Variants in SNX10 observed in about 807,000 individuals in gnomAD.
The protein encoded by SNX10 is sorting nexin-10.
In SNX10, 25 loss-of-function variants were observed where a neutral mutation model predicts 28.5. The ratio of observed to expected loss-of-function variants is 0.88; its 90% CI spans 0.64 to 1.22. The LOEUF (loss-of-function observed/expected upper bound fraction) is 1.22, where lower values mean the gene tolerates loss of function less well. Ranked by LOEUF, SNX10 falls within the 50% of genes most tolerant of loss-of-function variation. SNX10 has a pLI of 0.00. For synonymous variants in SNX10, 62 were observed against 81.4 expected, an observed-to-expected ratio of 0.76 and a Z score of 1.28; for missense variants, 223 against 242.6, an observed-to-expected ratio of 0.92 and a Z score of 0.54.
At chr7:26,324,784 G>C (rs1787438115) in intron 1 of SNX10, among the ~76,000 whole-genome samples, 1 of 152,012 alleles carries the variant, frequency 6.6e-6, no homozygotes, top group African/African-American at 2.4e-5. Context: ...CAGGCCATGT[G>C]GTCACCCTAG....
chr7:26,367,036 T>C (rs1789318825), intron 5 of SNX10, among the ~76,000 whole-genome samples: 1 of 152,194 alleles, frequency 6.6e-6, no homozygotes, highest in Non-Finnish European at 1.5e-5. Flanking sequence ...CCTGGTTTTT[T>C]TTCTAGCTGC....
chr7:26,373,039 T>A lies in SNX10; in HGVS notation c.*467T>A, dbSNP rs1323663391. On this transcript the variant is annotated 3_prime_UTR_variant, in exon 7 of 7. Coordinates refer to ENST00000338523, the MANE Select transcript of SNX10 (RefSeq NM_013322.3). This position sits in a 1 kb window ranked among gnomAD's most constrained non-coding sequence, Gnocchi z 4.2. The stretch of plus-strand genomic sequence containing the variant: ...CTGCCTCTCTCAGATATGTGCCTGA[T>A]ATTTTGTGGATACCTCCCCTGCACT... 6.5e-6 allele frequency: 1 copy of A among 153,112 alleles called. No individual in the cohort carries two copies. 9.5% of individuals were successfully genotyped at this position (153,112 alleles called of 1,614,324 possible). A position where few individuals can be genotyped will look rare whatever the true frequency, so the allele number is the denominator to read the frequency against.
At position 26,365,109 on chromosome 7, in the gene SNX10, A is replaced by T; in HGVS notation, c.275A>T (p.Asp92Val). The T allele has an allele frequency of 6.2e-7, 1 of 1,613,236 alleles. No individual in the cohort carries two copies. The change falls in exon 5 of 7, where the codon GAT becomes GTT. Residue 92 changes from aspartate to valine, a missense_variant. Transcript: ENST00000338523. ...AACATGAACAATCGCCAGCACGTGGATCAGCGTCGCCAGGGTCTGGAAGAT... is the reference window on the plus strand; with the variant it reads ...AACATGAACAATCGCCAGCACGTGGTTCAGCGTCGCCAGGGTCTGGAAGAT... ...FFNMNNRQHV[D>V]QRRQGLEDFL...
At chr7:26,363,554 G>A (rs182235328) in intron 3 of SNX10, among the ~76,000 whole-genome samples, 3 of 151,984 alleles carry the variant, frequency 2.0e-5, no homozygotes, top group Admixed American at 6.5e-5. Flanking sequence ...TTTGGTAGTC[G>A]CTTGTTTTAC....
chr7:26,372,150 T>C (rs985897538), intron 6 of SNX10, 117 bp downstream of exon 6: 1 of 707,524 alleles, frequency 1.4e-6, no homozygotes, highest in Non-Finnish European at 2.3e-6. Context: ...AATACTAAGA[T>C]AATGAAAAAA....
At chr7:26,338,095 A>ATCAATTCC (rs1788007520) in intron 1 of SNX10, among the ~76,000 whole-genome samples, 1 of 146,074 alleles carries the variant, frequency 6.8e-6, no homozygotes, top group African/African-American at 2.5e-5. Flanking sequence ...AGAAACGTCT[A>ATCAATTCC]TCAATTCCTT....
intron 1 of SNX10, among the ~76,000 whole-genome samples, chr7:26,312,076 G>A (rs958460751): frequency 1.3e-5 from 2 of 152,120 alleles, no homozygotes; most frequent in Non-Finnish European, 2.9e-5. Flanking sequence ...GAAAACAAAA[G>A]TTACTTCAAA....
At chr7:26,315,584 C>T (rs965624479) in intron 1 of SNX10, among the ~76,000 whole-genome samples, 1 of 151,934 alleles carries the variant, frequency 6.6e-6, no homozygotes, top group Non-Finnish European at 1.5e-5. Flanking sequence ...AGGAGAATGG[C>T]ATGAACCCAG....
intron 2 of SNX10, among the ~76,000 whole-genome samples, chr7:26,358,480 C>T (rs181532800): frequency 6.6e-6 from 1 of 152,240 alleles, no homozygotes; most frequent in East Asian, 1.9e-4. Context: ...TGGCTCATGC[C>T]TATAATCCCA....
intron 1 of SNX10, among the ~76,000 whole-genome samples, chr7:26,307,399 T>G (rs754805099): frequency 2.0e-5 from 3 of 152,192 alleles, no homozygotes; most frequent in Non-Finnish European, 4.4e-5. Flanking sequence ...CATCCTTGAC[T>G]CCCTTTTCTC....
chr7:26,329,542 A>G (rs1291761352), intron 1 of SNX10, among the ~76,000 whole-genome samples: 4 of 152,162 alleles, frequency 2.6e-5, no homozygotes, highest in South Asian at 2.1e-4. Flanking sequence ...TTCTCTCACT[A>G]TTATGTAAGT....
chr7:26,361,014 AAGG>A lies in SNX10; in HGVS notation c.69_71del (p.Glu23del), dbSNP rs773341274. The A allele has an allele frequency of 1.9e-6, 3 of 1,612,066 alleles. No homozygotes were observed. In the Admixed American group the frequency reaches 5.0e-5, roughly 27 times the overall value. ...CTGGGTTCGAGATCCTAGGATTCAG[AAGG>A]AGGACTTCTGGCATTCTTACATTGA... On this transcript the variant is annotated inframe_deletion, in exon 3 of 7. Coordinates refer to ENST00000338523, the MANE Select transcript of SNX10 (RefSeq NM_013322.3).
chr7:26,344,631 A>G (rs1432438191), intron 1 of SNX10, among the ~76,000 whole-genome samples: 1 of 152,038 alleles, frequency 6.6e-6, no homozygotes, highest in African/African-American at 2.4e-5. Context: ...TCAGTTCCAC[A>G]TTATAATTAG....
intron 2 of SNX10, chr7:26,360,511 G>C (rs1789023376): frequency 1.2e-5 from 2 of 165,460 alleles, no homozygotes; most frequent in African/African-American, 2.4e-5. Context: ...AAAGTGCTGG[G>C]ATTACAGGTG....
intron 5 of SNX10, among the ~76,000 whole-genome samples, chr7:26,365,777 A>G (rs1789264291): frequency 6.6e-6 from 1 of 152,120 alleles, no homozygotes; most frequent in Non-Finnish European, 1.5e-5. Context: ...GCTAGAGGCC[A>G]TATAGCACGC....
rs78531610 is a variant in SNX10, at chr7:26,308,345, C to G, written c.-24+16259C>G. Among the ~76,000 whole-genome samples, 617 of 152,266 alleles carry G rather than the reference C, an allele frequency of 4.1e-3. 6 individuals are homozygous for G. The highest frequency in any genetic ancestry group is 0.014 in the African/African-American group (576 of 41,560). On this transcript the variant is annotated intron_variant, in intron 1 of 6. Transcript: ENST00000338523. The stretch of plus-strand genomic sequence containing the variant: ...TTCAGGAGGGGTTCTGCCCTTTACC[C>G]TGGGGGAAGCAATGTTGCACCAAGC...
intron 2 of SNX10, among the ~76,000 whole-genome samples, chr7:26,353,459 T>TGGGG (rs1554359899): frequency 1.7e-5 from 1 of 58,444 alleles, no homozygotes; most frequent in Non-Finnish European, 4.4e-5. Context: ...TTTTTTTTTT[T>TGGGG]TGGTGGGGAG....
intron 2 of SNX10, among the ~76,000 whole-genome samples, chr7:26,357,637 C>T (rs1293799515): frequency 6.6e-6 from 1 of 152,118 alleles, no homozygotes; most frequent in Non-Finnish European, 1.5e-5. Flanking sequence ...ATTAGCAGTT[C>T]TTGCATTAAT....
intron 1 of SNX10, among the ~76,000 whole-genome samples, chr7:26,345,937 G>A (rs1194646611): frequency 6.6e-6 from 1 of 152,104 alleles, no homozygotes; most frequent in Non-Finnish European, 1.5e-5. Context: ...CCCGCTGAGG[G>A]CCACACCATC....
Sources: gnomAD v4.1 joint callset for allele counts (sites outside exome capture counted in the v4.1 genomes callset) on GRCh38, gnomAD v4.1.1 for gene constraint, Gnocchi (gnomAD v3.1) non-coding constraint, MANE v1.5 for transcripts, NCBI Gene and HGNC (gene_info 2026-07-23, HGNC 2026-07-21) for gene names.